Variants in PPFIA1 observed in about 807,000 individuals in gnomAD.
The protein encoded by PPFIA1 is liprin-alpha-1.
Under a neutral mutation model 149.9 loss-of-function variants are expected in PPFIA1, and 25 were observed. That is an observed-to-expected ratio of 0.17 (90% CI 0.12 to 0.23). The LOEUF (loss-of-function observed/expected upper bound fraction) is 0.23, where lower values mean the gene tolerates loss of function less well. Among genes scored for constraint, PPFIA1 ranks in the 10% least tolerant of loss-of-function variants. The pLI, the probability that PPFIA1 is intolerant of heterozygous loss-of-function variation, is 1.00. For synonymous variants in PPFIA1, 549 were observed against 552.8 expected, an observed-to-expected ratio of 0.99 and a Z score of 0.10; for missense variants, 1,362 against 1,506.5, an observed-to-expected ratio of 0.90 and a Z score of 1.59.
chr11:70,283,794 A>G, intron 2 of PPFIA1, among the ~76,000 whole-genome samples: 1 of 151,840 alleles, frequency 6.6e-6, no homozygotes, highest in African/African-American at 2.4e-5. Flanking sequence ...GGGGGAGAGT[A>G]AAGAGGAGAC....
At chr11:70,334,023 G>A (rs2136979197) in intron 10 of PPFIA1, among the ~76,000 whole-genome samples, 1 of 152,234 alleles carries the variant, frequency 6.6e-6, no homozygotes, top group East Asian at 1.9e-4. Context: ...ATGGCGTGTT[G>A]GAATGAATGT....
chr11:70,313,205 T>C (rs113537743), intron 2 of PPFIA1, among the ~76,000 whole-genome samples: 5 of 152,292 alleles, frequency 3.3e-5, no homozygotes, highest in African/African-American at 1.2e-4. Flanking sequence ...CTCTCTTCTG[T>C]GTGCTCATGG....
rs374128088 is a variant in PPFIA1, at chr11:70,292,569, A to C, written c.264+20133A>C. On this transcript the variant is annotated intron_variant, in intron 2 of 27. Coordinates refer to ENST00000253925, the MANE Select transcript of PPFIA1 (RefSeq NM_003626.5). ...ATTTTTTAGCAAATTCGTATTGTCT[A>C]CTGTGTGTAAGGTACCGTCCAGGGG... Among the ~76,000 whole-genome samples, 4 of 152,318 alleles carry C rather than the reference A, an allele frequency of 2.6e-5. No individual in the cohort carries two copies. In the East Asian group the frequency reaches 7.7e-4, roughly 29 times the overall value.
At chr11:70,293,352 G>A (rs1248259218) in intron 2 of PPFIA1, among the ~76,000 whole-genome samples, 1 of 152,180 alleles carries the variant, frequency 6.6e-6, no homozygotes, top group East Asian at 1.9e-4. Flanking sequence ...TAGCAAGTGT[G>A]TGACACTATT....
rs1428669669 is a variant in PPFIA1 at position 70,332,091 on chromosome 11, C to T, written c.1209C>T (p.Ser403=). ...TGGCCCAGAGGGTGGCAGCGCTTTCCAAGGTAGTGCCATGAGCTTCATTCT... is the reference window on the plus strand; with the variant it reads ...TGGCCCAGAGGGTGGCAGCGCTTTCTAAGGTAGTGCCATGAGCTTCATTCT... ...AELAQRVAAL[S]KAEERHGNIE... is the part of the protein sequence containing the mutation. Residue 403 remains serine (S), a synonymous_variant, in exon 9 of 28, where the codon TCC becomes TCT. Coordinates refer to ENST00000253925, the MANE Select transcript of PPFIA1 (RefSeq NM_003626.5). 2 of 1,598,206 alleles carry T rather than the reference C, an allele frequency of 1.3e-6. No individual in the cohort carries two copies. Among genetic ancestry groups the T allele is most frequent in the Admixed American group, 3.6e-5 (2 of 56,222 alleles).
intron 2 of PPFIA1, among the ~76,000 whole-genome samples, chr11:70,320,919 A>G (rs1293138174): frequency 6.6e-6 from 1 of 152,170 alleles, no homozygotes; most frequent in East Asian, 1.9e-4. Flanking sequence ...TAACCACGCA[A>G]CAGAATCCTG....
intron 11 of PPFIA1, 125 bp from the exon 12 acceptor site, chr11:70,337,240 T>A (rs992739720): frequency 1.8e-5 from 11 of 597,838 alleles, no homozygotes; most frequent in Non-Finnish European, 2.8e-5. Context: ...CAGCAGTGCT[T>A]GCTGGTGTGC....
chr11:70,317,765 G>C (rs911731950), intron 2 of PPFIA1, among the ~76,000 whole-genome samples: 6 of 152,192 alleles, frequency 3.9e-5, no homozygotes, highest in Non-Finnish European at 8.8e-5. Flanking sequence ...GGTCTGTGCA[G>C]TAGTAACTCA....
chr11:70,330,224 C>T lies in PPFIA1; in HGVS notation c.982C>T (p.Arg328Cys), dbSNP rs768572652. 33 of 1,601,944 alleles carry T rather than the reference C, an allele frequency of 2.1e-5. No homozygotes were observed. Among genetic ancestry groups the T allele is most frequent in the Non-Finnish European group, 2.6e-5 (31 of 1,175,294 alleles). ...AGAGAGAATCACTACTCTTGAAAAA[C>T]GCTACCTCGCTGCACAGCGTGAAGC... ...MEERITTLEK[R>C]YLAAQREATS... The change falls in exon 8 of 28, where the codon CGC becomes TGC. Residue 328 changes from arginine (R) to cysteine (C), a missense_variant. Coordinates refer to ENST00000253925, the MANE Select transcript of PPFIA1 (RefSeq NM_003626.5).
chr11:70,382,201 A>T, intron 27 of PPFIA1, 43 bp downstream of exon 27: 1 of 1,500,266 alleles, frequency 6.7e-7, no homozygotes, highest in Non-Finnish European at 9.2e-7. Flanking sequence ...GCTCAGAGGC[A>T]CAGCAGGAGT....
At chr11:70,378,510 C>G in intron 26 of PPFIA1, 1 of 1,025,818 alleles carries the variant, frequency 9.7e-7, no homozygotes, top group Non-Finnish European at 1.2e-6. Context: ...TGTGACAGGC[C>G]GTGCTAGAAA....
chr11:70,345,371 T>A (rs1199092311), intron 15 of PPFIA1, among the ~76,000 whole-genome samples: 1 of 150,590 alleles, frequency 6.6e-6, no homozygotes, highest in Non-Finnish European at 1.5e-5. Context: ...AGGGAGTCAG[T>A]ATAGTGAGGG....
intron 2 of PPFIA1, among the ~76,000 whole-genome samples, chr11:70,309,396 C>T (rs1262941003): frequency 6.6e-6 from 1 of 152,080 alleles, no homozygotes; most frequent in African/African-American, 2.4e-5. Context: ...CTCGAACTTG[C>T]GACCTCAGGT....
intron 16 of PPFIA1, among the ~76,000 whole-genome samples, chr11:70,349,135 C>CAAAAA (rs749436919): frequency 1.3e-5 from 1 of 74,598 alleles, no homozygotes; most frequent in African/African-American, 5.1e-5. Context: ...CATCTACTAC[C>CAAAAA]AAAAAAAAAA....
At position 70,331,975 on chromosome 11, in the gene PPFIA1, C is replaced by T. The variant is rs764547561; in HGVS notation, c.1093C>T (p.Arg365Cys). The T allele has an allele frequency of 1.5e-5, 24 of 1,609,534 alleles. No homozygotes were observed. Among genetic ancestry groups the T allele is most frequent in the Non-Finnish European group, 1.9e-5 (22 of 1,178,652 alleles). ...SMHRQTEDKN[R>C]QLQERLELAE... ...CATTTTATAGACTGAAGATAAAAAC[C>T]GCCAGTTACAGGAGCGCTTGGAATT... Residue 365 changes from arginine (R) to cysteine (C), a missense_variant, in exon 9 of 28, where the codon CGC (arginine) becomes TGC (cysteine). Around this residue, in one of 7 missense-constraint regions of PPFIA1, gnomAD observed 733 missense variants for 744.1 expected, o/e 0.99. Transcript: ENST00000253925.
In PPFIA1 at chr11:70,335,700, T is replaced by A. The variant is rs747415050; in HGVS notation, c.1428+6T>A. 3.1e-6 allele frequency: 5 copies of A among 1,613,644 alleles called. No individual in the cohort carries two copies. Among genetic ancestry groups the A allele is most frequent in the Admixed American group, 1.7e-5 (1 of 60,016 alleles). ...TGGCTGCTTTGGAAGATAAGGTAAG[T>A]TAGATAACACGGACATGCTGGAGCT... On this transcript the variant is annotated splice_donor_region_variant and intron_variant, in intron 11 of 27. Coordinates refer to ENST00000253925, the MANE Select transcript of PPFIA1 (RefSeq NM_003626.5).
At chr11:70,332,483 T>A (rs2054725845) in intron 9 of PPFIA1, among the ~76,000 whole-genome samples, 1 of 152,198 alleles carries the variant, frequency 6.6e-6, no homozygotes, top group Non-Finnish European at 1.5e-5. Context: ...ATAAACACAT[T>A]TTTAAGTAAT....
chr11:70,342,591 G>A (rs1248487404), intron 14 of PPFIA1, among the ~76,000 whole-genome samples: 1 of 152,178 alleles, frequency 6.6e-6, no homozygotes, highest in African/African-American at 2.4e-5. Context: ...CCTCGTTCGA[G>A]CTTGGTAGTG....
At chr11:70,305,429 A>G (rs893698094) in intron 2 of PPFIA1, among the ~76,000 whole-genome samples, 2 of 152,004 alleles carry the variant, frequency 1.3e-5, no homozygotes, top group Admixed American at 6.6e-5. Context: ...CTGGAGTGCA[A>G]TGGCATGATC....
Sources: gnomAD v4.1 joint callset for allele counts (sites outside exome capture counted in the v4.1 genomes callset) on GRCh38, gnomAD v4.1.1 for gene constraint, gnomAD v4.1.1 regional missense constraint, MANE v1.5 for transcripts, NCBI Gene and HGNC (gene_info 2026-07-23, HGNC 2026-07-21) for gene names.